The following GON4L variants were observed in gnomAD, a reference collection of about 807,000 sequenced individuals.
GON4L encodes gon-4 like, also known as GON-4-like protein.
GON4L carries 87 observed loss-of-function variants against 211.8 expected under a neutral mutation model. The ratio of observed to expected loss-of-function variants is 0.41; its 90% CI spans 0.35 to 0.49. The LOEUF (loss-of-function observed/expected upper bound fraction) is 0.49, where lower values mean the gene tolerates loss of function less well. Among genes scored for constraint, GON4L ranks in the 20% least tolerant of loss-of-function variants. The pLI, the probability that GON4L is intolerant of heterozygous loss-of-function variation, is 0.15. For synonymous variants in GON4L, 875 were observed against 962.6 expected, an observed-to-expected ratio of 0.91 and a Z score of 1.68; for missense variants, 2,155 against 2,659.5, an observed-to-expected ratio of 0.81 and a Z score of 4.17.
At chr1:155,797,675 C>G (rs951414471) in intron 11 of GON4L, among the ~76,000 whole-genome samples, 38 of 149,794 alleles carry the variant, frequency 2.5e-4, no homozygotes, top group Admixed American at 1.5e-3. Flanking sequence ...GAGACCCCCC[C>G]CCTCCCGTCT....
chr1:155,817,665 C>T (rs1668366306), intron 6 of GON4L, among the ~76,000 whole-genome samples: 1 of 152,080 alleles, frequency 6.6e-6, no homozygotes, highest in Non-Finnish European at 1.5e-5. Context: ...TGTAATCCCC[C>T]CATGTTGGGA....
rs185656692 is a variant in GON4L at position 155,811,357 on chromosome 1, A to G, written c.1452+2277T>C. Among the ~76,000 whole-genome samples the G allele has an allele frequency of 1.9e-4, 23 of 121,624 alleles. No individual in the cohort carries two copies. In the East Asian group the frequency reaches 6.5e-3, roughly 34 times the overall value. 79.8% of individuals were successfully genotyped at this position (121,624 alleles called of 152,430 possible). A position where few individuals can be genotyped will look rare whatever the true frequency, so the allele number is the denominator to read the frequency against. On this transcript the variant is annotated intron_variant, in intron 10 of 31. Coordinates refer to ENST00000368331, the MANE Select transcript of GON4L (RefSeq NM_001282860.2). ...CAGTGAGCCGAGATCGCACCACTGC[A>G]CTCCAGCCTAGAGGACAGAGCAAGA...
chr1:155,851,455 C>T (rs1385952248), intron 2 of GON4L, among the ~76,000 whole-genome samples: 1 of 151,850 alleles, frequency 6.6e-6, no homozygotes, highest in African/African-American at 2.4e-5. Flanking sequence ...GTGGCTCACG[C>T]CTGTAATCCC....
chr1:155,844,115 A>C (rs193184191), intron 2 of GON4L, among the ~76,000 whole-genome samples: 69 of 152,350 alleles, frequency 4.5e-4, no homozygotes, highest in Middle Eastern at 3.4e-3. Context: ...GAATTGGGGC[A>C]GCAATAGGGG....
intron 21 of GON4L, chr1:155,764,695 T>A: frequency 2.7e-6 from 2 of 727,956 alleles, no homozygotes; most frequent in South Asian, 3.6e-5. Context: ...CACCTCAGCC[T>A]CCCAAAGTGC....
chr1:155,779,365 G>A (rs1664177675), intron 14 of GON4L, among the ~76,000 whole-genome samples: 1 of 151,646 alleles, frequency 6.6e-6, no homozygotes, highest in African/African-American at 2.4e-5. Flanking sequence ...ACGCCAAGCT[G>A]GAATGCAGTG....
Position 155,766,599 on chromosome 1 carries a change from T to C in GON4L, c.2874A>G (p.Lys958=), listed in dbSNP as rs1557838474. Residue 958 remains lysine (K), a synonymous_variant, in exon 21 of 32, where the codon AAA becomes AAG. Coordinates refer to ENST00000368331, the MANE Select transcript of GON4L (RefSeq NM_001282860.2). Reference sequence around the variant, plus strand: ...ATTCACTCCCCAACTCCAAATTGTCTTTTTCTAGGCTTCGATCTGAGTTGA... The same window carrying C: ...ATTCACTCCCCAACTCCAAATTGTCCTTTTCTAGGCTTCGATCTGAGTTGA... The part of the protein sequence containing the change: ...TEINSDRSLE[K]DNLELGSESR... 9 of 1,614,038 alleles carry C rather than the reference T, an allele frequency of 5.6e-6. No individual in the cohort carries two copies. Among genetic ancestry groups the C allele is most frequent in the Non-Finnish European group, 7.6e-6 (9 of 1,180,022 alleles).
intron 2 of GON4L, among the ~76,000 whole-genome samples, chr1:155,849,887 T>C (rs1671623374): frequency 6.6e-6 from 1 of 151,068 alleles, no homozygotes; most frequent in Non-Finnish European, 1.5e-5. Context: ...CTCCTTACTA[T>C]TTTCTTTAAA....
chr1:155,814,325 T>C lies in GON4L; in HGVS notation c.1281+5A>G. On this transcript the variant is annotated splice_donor_5th_base_variant and intron_variant, in intron 9 of 31. Transcript: ENST00000368331. ...TAACATCTCTTTTGTATGATGCCGA[T>C]TTACCTCTGATAATATGCCACTCTC... 2 of 1,612,270 alleles carry C rather than the reference T, an allele frequency of 1.2e-6. No homozygotes were observed. The highest frequency in any genetic ancestry group is 1.7e-4 in the Middle Eastern group (1 of 6,058).
At chr1:155,821,446 A>C in intron 5 of GON4L, 28 bp downstream of exon 5, 1 of 1,394,542 alleles carries the variant, frequency 7.2e-7, no homozygotes, top group South Asian at 1.2e-5. Flanking sequence ...GTTCCAAGAC[A>C]TTAAAAGAGT....
intron 3 of GON4L, among the ~76,000 whole-genome samples, chr1:155,823,913 C>T (rs1668947333): frequency 6.6e-6 from 1 of 151,836 alleles, no homozygotes; most frequent in Non-Finnish European, 1.5e-5. Flanking sequence ...AAACCATTTG[C>T]TAAATCAAAT....
chr1:155,752,752 G>C (rs1660740699), intron 29 of GON4L, among the ~76,000 whole-genome samples, 162 bp from the exon 30 acceptor site: 1 of 152,194 alleles, frequency 6.6e-6, no homozygotes, highest in African/African-American at 2.4e-5. Context: ...AGCCAAAGTG[G>C]TGGGACTGCC....
chr1:155,754,092 T>C (rs564755597), intron 28 of GON4L: 1 of 442,956 alleles, frequency 2.3e-6, no homozygotes, highest in South Asian at 2.1e-5. Flanking sequence ...GAGACTATTT[T>C]CACGACAGAG....
rs780548992 is a variant in GON4L at position 155,775,132 on chromosome 1, G to A, written c.2220C>T (p.His740=). The change falls in exon 17 of 32, where the codon CAC becomes CAT. Residue 740 remains histidine, a synonymous_variant. Coordinates refer to ENST00000368331, the MANE Select transcript of GON4L (RefSeq NM_001282860.2). Reference sequence around the variant, plus strand: ...TCTGAAACTTGGGGTTGTACTGATGGTGAAGGGCGATGGAGCTTTGAGCAA... The same window carrying A: ...TCTGAAACTTGGGGTTGTACTGATGATGAAGGGCGATGGAGCTTTGAGCAA... ...GTFAQSSIAL[H]HQYNPKFQTL... 1.2e-6 allele frequency: 2 copies of A among 1,614,182 alleles called. No individual in the cohort carries two copies. The highest frequency in any genetic ancestry group is 1.7e-6 in the Non-Finnish European group (2 of 1,180,026).
At chr1:155,793,408 T>C (rs1665789331) in intron 12 of GON4L, among the ~76,000 whole-genome samples, 1 of 152,204 alleles carries the variant, frequency 6.6e-6, no homozygotes, top group Admixed American at 6.6e-5. Context: ...ATCTTGGATG[T>C]TTATAAAGCT....
Position 155,760,581 on chromosome 1 carries a change from C to A in GON4L, c.4972G>T (p.Glu1658Ter). Residue 1658 changes from glutamate (E) to a stop codon, truncating the protein, a stop_gained, in exon 24 of 32, where the codon GAA becomes TAA. Transcript: ENST00000368331. LOFTEE classifies it high-confidence loss of function. ...CGTCTCTGGGTACTTGACTCAAATTCATAGATGACTTGAAGGAAGTCTTCA... is the reference window on the plus strand; with the variant it reads ...CGTCTCTGGGTACTTGACTCAAATTAATAGATGACTTGAAGGAAGTCTTCA... ...KYEDFLQVIY[E>*]FESSTQRRTA... is the part of the protein sequence containing the mutation. 1.2e-6 allele frequency: 2 copies of A among 1,613,498 alleles called. No homozygotes were observed. Among genetic ancestry groups the A allele is most frequent in the African/African-American group, 1.3e-5 (1 of 75,036 alleles).
At chr1:155,850,097 T>C (rs1671643343) in intron 2 of GON4L, among the ~76,000 whole-genome samples, 1 of 151,942 alleles carries the variant, frequency 6.6e-6, no homozygotes. Flanking sequence ...TCAAAAAGAC[T>C]GAGGCTTAAG....
intron 2 of GON4L, among the ~76,000 whole-genome samples, chr1:155,829,481 C>G (rs1669541299): frequency 6.6e-6 from 1 of 152,088 alleles, no homozygotes; most frequent in Admixed American, 6.6e-5. Context: ...TGGCAGGTGC[C>G]TGTAATCCCA....
At chr1:155,791,398 G>C (rs1665537209) in intron 12 of GON4L, among the ~76,000 whole-genome samples, 1 of 151,650 alleles carries the variant, frequency 6.6e-6, no homozygotes, top group African/African-American at 2.4e-5. Context: ...CCAGAGAAGA[G>C]TAATGTGCAT....
Sources: gnomAD v4.1 joint callset for allele counts (sites outside exome capture counted in the v4.1 genomes callset) on GRCh38, gnomAD v4.1.1 for gene constraint, MANE v1.5 for transcripts, NCBI Gene and HGNC (gene_info 2026-07-23, HGNC 2026-07-21) for gene names.